The following LRRC7 variants were observed in gnomAD, a reference collection of about 807,000 sequenced individuals.
LRRC7 encodes the protein leucine-rich repeat-containing protein 7.
Under a neutral mutation model 175.7 loss-of-function variants are expected in LRRC7, and 23 were observed. The observed-to-expected ratio is 0.13, with a 90% CI of 0.09 to 0.19. The LOEUF (loss-of-function observed/expected upper bound fraction) is 0.19. LRRC7 is among the 10% of genes least tolerant of loss of function. LRRC7 has a pLI of 1.00. For missense variants in LRRC7, 1,354 were observed against 1,904.7 expected, an observed-to-expected ratio of 0.71 and a Z score of 5.38; for synonymous variants, 685 against 680.9, an observed-to-expected ratio of 1.01 and a Z score of -0.09.
intron 2 of LRRC7, among the ~76,000 whole-genome samples, chr1:69,709,664 T>C (rs929285194): frequency 2.0e-5 from 3 of 152,200 alleles, no homozygotes; most frequent in East Asian, 1.9e-4. Context: ...AGAATCATTA[T>C]CAAGATTTAA....
intron 25 of LRRC7, among the ~76,000 whole-genome samples, chr1:70,103,578 G>T (rs578142842): frequency 6.6e-6 from 1 of 152,114 alleles, no homozygotes; most frequent in African/African-American, 2.4e-5. Flanking sequence ...GAATGCAGCC[G>T]TACCAAAACT....
chr1:70,044,972 C>T (rs1407286046), intron 22 of LRRC7, among the ~76,000 whole-genome samples: 1 of 152,060 alleles, frequency 6.6e-6, no homozygotes, highest in Admixed American at 6.6e-5. Flanking sequence ...CTAAACACTT[C>T]TTCCCTCTTA....
intron 18 of LRRC7, among the ~76,000 whole-genome samples, chr1:70,033,446 TATC>T (rs1385264149): frequency 6.6e-6 from 1 of 152,180 alleles, no homozygotes; most frequent in Non-Finnish European, 1.5e-5. Context: ...TTGTCGTCAT[TATC>T]ATCATTGTCA....
intron 2 of LRRC7, among the ~76,000 whole-genome samples, chr1:69,678,751 C>T (rs900574688): frequency 1.3e-5 from 2 of 152,056 alleles, no homozygotes; most frequent in Admixed American, 1.3e-4. Context: ...TACAGTCTGA[C>T]AGATCTTTCT....
chr1:69,840,655 CA>C (rs893220090), intron 7 of LRRC7, among the ~76,000 whole-genome samples: 2 of 151,910 alleles, frequency 1.3e-5, no homozygotes, highest in African/African-American at 4.8e-5. Context: ...TTTTCAGTTA[CA>C]AAAACAAATT....
At position 69,906,003 on chromosome 1, in the gene LRRC7, G is replaced by A. The variant is rs962303167; in HGVS notation, c.648-25504G>A. On this transcript the variant is annotated intron_variant, in intron 7 of 26. Coordinates refer to ENST00000651989, the MANE Select transcript of LRRC7 (RefSeq NM_001370785.2). ...TGGTTTTGATTTGCATTTCTCTGAT[G>A]GCCAGTGATGGCGAGCATTTGTTCA... Among the ~76,000 whole-genome samples, 132 of 152,316 alleles carry A rather than the reference G, an allele frequency of 8.7e-4. 2 individuals carry two copies. The highest frequency in any genetic ancestry group is 2.9e-3 in the African/African-American group (122 of 41,576).
chr1:69,594,253 C>G (rs1646752451), intron 1 of LRRC7, among the ~76,000 whole-genome samples: 1 of 152,014 alleles, frequency 6.6e-6, no homozygotes, highest in South Asian at 2.1e-4. Flanking sequence ...GCTCTTTATC[C>G]CCTTACTGTA....
chr1:69,995,632 C>G (rs1337349874), intron 11 of LRRC7, among the ~76,000 whole-genome samples: 1 of 151,506 alleles, frequency 6.6e-6, no homozygotes, highest in East Asian at 2.0e-4. Flanking sequence ...CAAGTCCCAC[C>G]TATGAGTGAG....
intron 25 of LRRC7, among the ~76,000 whole-genome samples, chr1:70,093,135 T>A (rs1425919696): frequency 3.3e-5 from 5 of 152,096 alleles, no homozygotes; most frequent in Non-Finnish European, 5.9e-5. Flanking sequence ...GTCCTCTCAA[T>A]GAAGTGTATA....
chr1:69,584,053 C>T (rs1303748590), intron 1 of LRRC7, among the ~76,000 whole-genome samples: 1 of 152,064 alleles, frequency 6.6e-6, no homozygotes, highest in Non-Finnish European at 1.5e-5. Context: ...GAATATGGCT[C>T]ATTAGGATGG....
At chr1:69,776,540 T>C (rs1290948212) in intron 3 of LRRC7, among the ~76,000 whole-genome samples, 3 of 152,214 alleles carry the variant, frequency 2.0e-5, no homozygotes, top group African/African-American at 7.2e-5. Flanking sequence ...TAGAGGCAAT[T>C]TGTTGTTTCT....
intron 3 of LRRC7, among the ~76,000 whole-genome samples, chr1:69,764,919 A>T (rs764057968): frequency 6.6e-6 from 1 of 152,036 alleles, no homozygotes; most frequent in African/African-American, 2.4e-5. Context: ...ATCAAAGAAA[A>T]GTAAGATTAT....
chr1:69,871,465 A>G (rs184109500), intron 7 of LRRC7, among the ~76,000 whole-genome samples: 2 of 152,092 alleles, frequency 1.3e-5, no homozygotes, highest in Admixed American at 6.6e-5. Context: ...CACCGAATGC[A>G]TAATTATATT....
At chr1:69,817,771 T>A (rs1381923433) in intron 4 of LRRC7, among the ~76,000 whole-genome samples, 1 of 152,162 alleles carries the variant, frequency 6.6e-6, no homozygotes. Flanking sequence ...ATACATGATA[T>A]CTTCTCATTT....
chr1:69,888,623 G>A (rs565045540), intron 7 of LRRC7, among the ~76,000 whole-genome samples: 4 of 152,166 alleles, frequency 2.6e-5, no homozygotes, highest in South Asian at 2.1e-4. Context: ...GTTCCTATTC[G>A]GCCATCTTGG....
intron 2 of LRRC7, among the ~76,000 whole-genome samples, chr1:69,710,278 C>CAAAAAAAAAA (rs77553066): frequency 8.0e-5 from 7 of 87,122 alleles, no homozygotes; most frequent in South Asian, 4.8e-4. Context: ...GACTCCGTCT[C>CAAAAAAAAAA]AAAAAAAAAA....
At chr1:69,685,383 C>T (rs796600588) in intron 2 of LRRC7, among the ~76,000 whole-genome samples, 9 of 152,272 alleles carry the variant, frequency 5.9e-5, no homozygotes, top group African/African-American at 1.9e-4. Context: ...AGACAATCCA[C>T]TGACCCCAAT....
intron 1 of LRRC7, among the ~76,000 whole-genome samples, chr1:69,674,038 C>T (rs543598902): frequency 5.3e-5 from 8 of 152,168 alleles, no homozygotes; most frequent in East Asian, 3.9e-4. Flanking sequence ...GGCAGGGCCT[C>T]GCTCTATTGC....
At chr1:70,116,479 A>G (rs925967764) in intron 26 of LRRC7, among the ~76,000 whole-genome samples, 14 of 151,144 alleles carry the variant, frequency 9.3e-5, no homozygotes, top group East Asian at 2.0e-4. Context: ...CCCGGGAGGC[A>G]GAGCTTGCAG....
Sources: gnomAD v4.1 joint callset for allele counts (sites outside exome capture counted in the v4.1 genomes callset) on GRCh38, gnomAD v4.1.1 for gene constraint, MANE v1.5 for transcripts, NCBI Gene and HGNC (gene_info 2026-07-23, HGNC 2026-07-21) for gene names.